The following AHCY variants were observed in gnomAD, a reference collection of about 807,000 sequenced individuals.
AHCY encodes S-adenosyl-L-homocysteine hydrolase.
Under a neutral mutation model 45.4 loss-of-function variants are expected in AHCY, and 24 were observed. The observed-to-expected ratio is 0.53, with a 90% CI of 0.38 to 0.74. AHCY has a LOEUF of 0.74. Among genes scored for constraint, AHCY ranks in the 30% least tolerant of loss-of-function variants. The pLI, the probability that AHCY is intolerant of heterozygous loss-of-function variation, is 0.00. For synonymous variants in AHCY, 245 were observed against 235.1 expected (o/e 1.04, Z -0.39); for missense variants, 449 against 594.1 (o/e 0.76, Z 2.54).
At chr20:34,265,976 G>A in the AHCY span, among the ~76,000 whole-genome samples, 1 of 151,512 alleles carries the variant, frequency 6.6e-6, no homozygotes, top group South Asian at 2.1e-4. Context: ...AGGGGGGGAA[G>A]TTAAAACATT....
chr20:34,269,136 G>A, the AHCY span: 1 of 1,550,474 alleles, frequency 6.4e-7, no homozygotes, highest in South Asian at 1.2e-5. Flanking sequence ...CGCAGCGCCT[G>A]CTCCTGCCGC....
chr20:34,252,898 C>T, the AHCY span, among the ~76,000 whole-genome samples: 1 of 152,330 alleles, frequency 6.6e-6, no homozygotes, highest in East Asian at 1.9e-4. Context: ...TGCCTGCAAA[C>T]ATGTTAACAA....
the AHCY span, among the ~76,000 whole-genome samples, chr20:34,273,201 G>T: frequency 2.0e-5 from 3 of 150,896 alleles, no homozygotes; most frequent in African/African-American, 7.3e-5. Flanking sequence ...ATTAAATCAC[G>T]CATTTGCCCT....
intron 2 of AHCY, 73 bp downstream of exon 2, chr20:34,295,322 G>T: frequency 6.3e-7 from 1 of 1,577,162 alleles, no homozygotes; most frequent in Non-Finnish European, 8.7e-7. Context: ...CCCCACCCTG[G>T]CACAGTCGTC....
chr20:34,252,329 C>T, the AHCY span, among the ~76,000 whole-genome samples: 1 of 152,110 alleles, frequency 6.6e-6, no homozygotes, highest in Non-Finnish European at 1.5e-5. Flanking sequence ...GGGAGTGTAG[C>T]AGGGCAACAG....
At chr20:34,300,622 G>A (rs1384289274) in intron 1 of AHCY, among the ~76,000 whole-genome samples, 1 of 152,208 alleles carries the variant, frequency 6.6e-6, no homozygotes, top group African/African-American at 2.4e-5. Context: ...AAAGAACCTA[G>A]TATATCCCTG....
chr20:34,311,578 C>T (rs1214745630), exon 1 of AHCY: 1 of 152,482 alleles, frequency 6.6e-6, no homozygotes, highest in Non-Finnish European at 1.5e-5. Flanking sequence ...GGCCGCGGGG[C>T]TTTAGCCTGC....
At chr20:34,233,146 T>TTA in the AHCY span, among the ~76,000 whole-genome samples, 1 of 143,316 alleles carries the variant, frequency 7.0e-6, no homozygotes, top group Non-Finnish European at 1.5e-5. Context: ...ACAAGAGCTT[T>TTA]TTTTTTTTTT....
At chr20:34,310,295 G>A (rs1254949772) in intron 1 of AHCY, among the ~76,000 whole-genome samples, 2 of 152,226 alleles carry the variant, frequency 1.3e-5, no homozygotes, top group South Asian at 2.1e-4. Flanking sequence ...GCCTGACCTC[G>A]TGATCCACCT....
At chr20:34,268,878 A>G in the AHCY span, 10 of 1,366,196 alleles carry the variant, frequency 7.3e-6, no homozygotes, top group East Asian at 2.1e-4. Flanking sequence ...TGGGCAAGCC[A>G]GCGGGGAAAC....
intron 9 of AHCY, among the ~76,000 whole-genome samples, chr20:34,284,113 T>C (rs2036091507): frequency 6.6e-6 from 1 of 152,148 alleles, no homozygotes; most frequent in Admixed American, 6.5e-5. Context: ...GGACTTCATC[T>C]TCATGAGTAT....
chr20:34,248,752 G>C, the AHCY span, among the ~76,000 whole-genome samples: 5 of 151,832 alleles, frequency 3.3e-5, no homozygotes, highest in Non-Finnish European at 4.4e-5. Flanking sequence ...GTGAGCTATG[G>C]TCTTGCCATT....
At chr20:34,273,989 AATG>A in the AHCY span, among the ~76,000 whole-genome samples, 1 of 152,158 alleles carries the variant, frequency 6.6e-6, no homozygotes, top group Non-Finnish European at 1.5e-5. Flanking sequence ...TAATGGTGAG[AATG>A]ATGATATTGA....
chr20:34,254,070 GT>G, the AHCY span, among the ~76,000 whole-genome samples: 5 of 147,378 alleles, frequency 3.4e-5, no homozygotes, highest in Admixed American at 6.8e-5. Context: ...GTTTTGTTTC[GT>G]TTTTTTTTTG....
chr20:34,263,177 A>C, the AHCY span, among the ~76,000 whole-genome samples: 4,453 of 152,312 alleles, frequency 0.029, 251 homozygotes, highest in African/African-American at 0.1. Flanking sequence ...CTTTTGGATG[A>C]ATGTGGTGTT....
At chr20:34,297,573 G>C (rs1279202254) in intron 1 of AHCY, among the ~76,000 whole-genome samples, 5 of 152,086 alleles carry the variant, frequency 3.3e-5, no homozygotes, top group African/African-American at 1.2e-4. Flanking sequence ...TGGGATTACA[G>C]GTGTGAGCCA....
the AHCY span, chr20:34,250,156 T>G: frequency 6.6e-6 from 1 of 152,292 alleles, no homozygotes; most frequent in Non-Finnish European, 1.5e-5. Flanking sequence ...AAGCCACTAT[T>G]ATGACTAACT....
the AHCY span, chr20:34,241,393 T>G: frequency 2.1e-6 from 2 of 950,256 alleles, no homozygotes; most frequent in Non-Finnish European, 2.5e-6. Context: ...GTTTTCTTGT[T>G]CTTGTCTTTG....
chr20:34,279,730 A>G (rs1173820372), downstream of AHCY, among the ~76,000 whole-genome samples: 2 of 152,184 alleles, frequency 1.3e-5, no homozygotes, highest in Non-Finnish European at 2.9e-5. Context: ...TCAGCCCCTC[A>G]TGCCTCACTG....
Sources: gnomAD v4.1 joint callset for allele counts (sites outside exome capture counted in the v4.1 genomes callset) on GRCh38, gnomAD v4.1.1 for gene constraint, MANE v1.5 for transcripts, NCBI Gene and HGNC (gene_info 2026-07-23, HGNC 2026-07-21) for gene names.